LIN7A: variants seen among roughly 807,000 people sequenced by gnomAD.
LIN7A encodes protein lin-7 homolog A.
LIN7A carries 25 observed loss-of-function variants against 29.8 expected under a neutral mutation model. That is an observed-to-expected ratio of 0.84 (90% confidence interval 0.61 to 1.17). The LOEUF (loss-of-function observed/expected upper bound fraction) is 1.17, where lower values mean the gene tolerates loss of function less well. Ranked by LOEUF, LIN7A falls within the 50% of genes most tolerant of loss-of-function variation. The probability of loss-of-function intolerance (pLI) is 0.00; values close to 1 mark genes in which losing one functional copy is unlikely to be tolerated. For missense variants in LIN7A, 239 were observed against 287.0 expected (o/e 0.83, Z 1.21); for synonymous variants, 118 against 107.5 (o/e 1.10, Z -0.60).
In LIN7A at chr12:80,824,389, A is replaced by C. The variant is rs987764867; in HGVS notation, c.484-12706T>G. 2.0e-5 allele frequency among the ~76,000 whole-genome samples: 3 copies of C among 152,244 alleles called. No individual in the cohort carries two copies. In the South Asian group the frequency reaches 6.2e-4, roughly 32 times the overall value. ...TGGTAATAAAAAACATTGCCAACAA[A>C]AAAAAAAGTCCAGGACCAGATGGAT... On this transcript the variant is annotated intron_variant, in intron 4 of 5. Transcript: ENST00000552864.
chr12:80,901,030 T>A (rs1592936499), intron 1 of LIN7A, among the ~76,000 whole-genome samples: 3 of 152,274 alleles, frequency 2.0e-5, no homozygotes, highest in Admixed American at 2.0e-4. Flanking sequence ...CTGGGGAAGA[T>A]ATTTTAAAGT....
intron 1 of LIN7A, among the ~76,000 whole-genome samples, chr12:80,898,223 T>C (rs774595459): frequency 3.9e-5 from 6 of 152,216 alleles, no homozygotes; most frequent in Admixed American, 6.5e-5. Flanking sequence ...ATTTATTGAA[T>C]ACAAAGCCTT....
intron 2 of LIN7A, among the ~76,000 whole-genome samples, chr12:80,876,756 A>G (rs1293643644): frequency 6.6e-6 from 1 of 152,220 alleles, no homozygotes; most frequent in African/African-American, 2.4e-5. Flanking sequence ...TGGATCCACA[A>G]TTATACATTG....
chr12:80,837,754 CA>C (rs546791069), intron 4 of LIN7A, among the ~76,000 whole-genome samples: 210 of 152,260 alleles, frequency 1.4e-3, no homozygotes, highest in African/African-American at 4.9e-3. Flanking sequence ...TGAACCTGAA[CA>C]AAATCACTGG....
intron 5 of LIN7A, among the ~76,000 whole-genome samples, chr12:80,807,063 GTTTTTTT>G (rs71094991): frequency 7.5e-5 from 4 of 53,588 alleles, no homozygotes; most frequent in South Asian, 4.9e-4. Context: ...TGAAGATGGA[GTTTTTTT>G]TTTTTTTTTT....
At chr12:80,831,513 C>A (rs1872348013) in intron 4 of LIN7A, among the ~76,000 whole-genome samples, 1 of 152,060 alleles carries the variant, frequency 6.6e-6, no homozygotes, top group Admixed American at 6.6e-5. Context: ...ATTATTAATC[C>A]TTTTCTAGAA....
At chr12:80,842,198 TTTCCATCACACTTTATAACCTAACA>T in intron 4 of LIN7A, 1 of 1,100,558 alleles carries the variant, frequency 9.1e-7, no homozygotes, top group Non-Finnish European at 1.2e-6. Context: ...TTTCCCCCCC[TTTCCATCACACTTTATAACCTAACA>T]TTCCATGTTA....
intron 4 of LIN7A, among the ~76,000 whole-genome samples, chr12:80,830,282 C>T (rs1872282118): frequency 1.3e-5 from 2 of 152,274 alleles, no homozygotes; most frequent in Admixed American, 1.3e-4. Flanking sequence ...GCCATTTAAA[C>T]ACTAAAATAG....
At chr12:80,865,325 A>T (rs1874082830) in intron 2 of LIN7A, among the ~76,000 whole-genome samples, 1 of 152,020 alleles carries the variant, frequency 6.6e-6, no homozygotes, top group Non-Finnish European at 1.5e-5. Flanking sequence ...TTTAAAAAAA[A>T]GGTTTGTTTT....
intron 1 of LIN7A, among the ~76,000 whole-genome samples, chr12:80,893,359 G>C (rs1263873324): frequency 1.3e-5 from 2 of 152,140 alleles, no homozygotes; most frequent in Non-Finnish European, 2.9e-5. Flanking sequence ...AAAATCTCTA[G>C]GAGTGGAATC....
intron 4 of LIN7A, among the ~76,000 whole-genome samples, chr12:80,818,164 T>G (rs1288197458): frequency 6.6e-6 from 1 of 152,174 alleles, no homozygotes; most frequent in Non-Finnish European, 1.5e-5. Flanking sequence ...GTTTGTTTGT[T>G]TGTTTTCTTT....
At chr12:80,905,230 C>T (rs907200914) in intron 1 of LIN7A, among the ~76,000 whole-genome samples, 6 of 151,876 alleles carry the variant, frequency 4.0e-5, no homozygotes, top group Non-Finnish European at 8.8e-5. Context: ...GGCTCTGTCA[C>T]CCAGGCTGGA....
At position 80,794,088 on chromosome 12, in the gene LIN7A, A is replaced by G. The variant is rs1349970487; in HGVS notation, c.*3639T>C. Reference sequence around the variant, plus strand: ...TATATAGACTCAAAATATGGTTCTAACCATGAAACTTAGAAATCATAGTGA... The same window carrying G: ...TATATAGACTCAAAATATGGTTCTAGCCATGAAACTTAGAAATCATAGTGA... On this transcript the variant is annotated 3_prime_UTR_variant, in exon 6 of 6. Coordinates refer to ENST00000552864, the MANE Select transcript of LIN7A (RefSeq NM_004664.4). 1.3e-5 allele frequency: 2 copies of G among 152,234 alleles called. No individual in the cohort carries two copies. The highest frequency in any genetic ancestry group is 2.9e-5 in the Non-Finnish European group (2 of 68,030). 9.4% of individuals were successfully genotyped at this position (152,234 alleles called of 1,614,324 possible).
chr12:80,937,850 T>G lies in LIN7A; in HGVS notation c.-128A>C. 1.4e-5 allele frequency: 9 copies of G among 654,042 alleles called. No individual in the cohort carries two copies. The highest frequency in any genetic ancestry group is 3.7e-5 in the East Asian group (1 of 27,110). The allele number at this position is 654,042 out of a possible 1,614,324, so 40.5% of individuals were successfully genotyped here. A position where few individuals can be genotyped will look rare whatever the true frequency, so the allele number is the denominator to read the frequency against. On this transcript the variant is annotated 5_prime_UTR_variant, in exon 1 of 6. Transcript: ENST00000552864. ...TGGTGGAGAAGAAAGCTTGGGTGGG[T>G]TGGTAGCCAGATGGAGACGCAACTG...
chr12:80,868,563 T>G (rs189176793), intron 2 of LIN7A, among the ~76,000 whole-genome samples: 2 of 152,228 alleles, frequency 1.3e-5, no homozygotes, highest in Admixed American at 6.5e-5. Flanking sequence ...AGCAAAACTC[T>G]GTCTCAAAAA....
At chr12:80,800,705 A>G (rs1385758187) in intron 5 of LIN7A, among the ~76,000 whole-genome samples, 1 of 152,124 alleles carries the variant, frequency 6.6e-6, no homozygotes, top group Non-Finnish European at 1.5e-5. Flanking sequence ...AATTGCTTTC[A>G]GCATATCAGA....
intron 5 of LIN7A, among the ~76,000 whole-genome samples, chr12:80,807,090 T>TTTTTTTTTTTTTTTTTTTTTTG (rs1871075314): frequency 6.9e-6 from 1 of 144,704 alleles, no homozygotes; most frequent in Non-Finnish European, 1.5e-5. Context: ...TTTTTTTTTT[T>TTTTTTTTTTTTTTTTTTTTTTG]TGACGGAGTC....
intron 1 of LIN7A, among the ~76,000 whole-genome samples, chr12:80,906,992 C>T (rs2120771637): frequency 6.6e-6 from 1 of 150,888 alleles, no homozygotes; most frequent in African/African-American, 2.4e-5. Flanking sequence ...ACAATTCAAC[C>T]AACCTAAGTT....
intron 2 of LIN7A, among the ~76,000 whole-genome samples, chr12:80,876,025 G>A (rs761990552): frequency 2.0e-5 from 3 of 151,378 alleles, no homozygotes; most frequent in African/African-American, 4.9e-5. Flanking sequence ...ACATTTATCC[G>A]TGAGTTCCTT....
Sources: allele counts gnomAD v4.1 joint callset (sites outside exome capture counted in the v4.1 genomes callset), GRCh38; gene constraint gnomAD v4.1.1; transcripts MANE v1.5; gene names NCBI Gene and HGNC (gene_info 2026-07-23, HGNC 2026-07-21).